The following PHKB variants were observed in gnomAD, a reference collection of about 807,000 sequenced individuals.
PHKB encodes the protein phosphorylase kinase regulatory subunit beta.
Under a neutral mutation model 152.1 loss-of-function variants are expected in PHKB, and 122 were observed. The ratio of observed to expected loss-of-function variants is 0.80; its 90% CI spans 0.69 to 0.93. PHKB has a LOEUF of 0.93. Ranked by LOEUF, PHKB falls within the 40% of genes least tolerant of loss-of-function variation. PHKB has a pLI of 0.00. For missense variants in PHKB, 1,304 were observed against 1,328.4 expected (o/e 0.98, Z 0.29); for synonymous variants, 436 against 464.9 (o/e 0.94, Z 0.80).
At chr16:47,584,828 G>C (rs754516452) in intron 8 of PHKB, among the ~76,000 whole-genome samples, 12 of 152,200 alleles carry the variant, frequency 7.9e-5, no homozygotes, top group Non-Finnish European at 1.8e-4. Context: ...GAGTCTAGAT[G>C]AGGGCAGCAA....
At chr16:47,493,420 T>C (rs1970183063) in intron 1 of PHKB, among the ~76,000 whole-genome samples, 1 of 152,258 alleles carries the variant, frequency 6.6e-6, no homozygotes, top group African/African-American at 2.4e-5. Context: ...ATTTTAGAGC[T>C]AGCTTTTTAA....
chr16:47,686,980 G>C (rs1263595319), intron 26 of PHKB, among the ~76,000 whole-genome samples: 2 of 151,988 alleles, frequency 1.3e-5, no homozygotes, highest in African/African-American at 4.8e-5. Flanking sequence ...GTCTGTTTTT[G>C]AATCATGACA....
At chr16:47,617,296 A>G (rs542132778) in intron 14 of PHKB, among the ~76,000 whole-genome samples, 12 of 149,910 alleles carry the variant, frequency 8.0e-5, no homozygotes, top group African/African-American at 2.4e-4. Flanking sequence ...ATAAAACGAT[A>G]TATATCATTT....
chr16:47,495,757 A>G (rs1200717642), intron 1 of PHKB, among the ~76,000 whole-genome samples: 1 of 152,146 alleles, frequency 6.6e-6, no homozygotes, highest in African/African-American at 2.4e-5. Context: ...AGGCAAGGGC[A>G]TGACTGGAGG....
intron 7 of PHKB, among the ~76,000 whole-genome samples, chr16:47,567,349 G>A (rs1029658838): frequency 6.6e-6 from 1 of 151,690 alleles, no homozygotes; most frequent in South Asian, 2.1e-4. Flanking sequence ...CAGCTTGTTC[G>A]TTATTGATAC....
At chr16:47,461,564 C>T in intron 1 of PHKB, 138 bp downstream of exon 1, 1 of 865,388 alleles carries the variant, frequency 1.2e-6, no homozygotes, top group Non-Finnish European at 1.9e-6. Flanking sequence ...AGGTGGCGGC[C>T]CTGGCCTTGT....
At chr16:47,512,727 T>C (rs1970531137) in intron 5 of PHKB, among the ~76,000 whole-genome samples, 1 of 152,236 alleles carries the variant, frequency 6.6e-6, no homozygotes, top group Non-Finnish European at 1.5e-5. Context: ...GGACAGTCTG[T>C]TGTTTCTGGG....
intron 23 of PHKB, among the ~76,000 whole-genome samples, chr16:47,663,125 C>G (rs1973472039): frequency 6.6e-6 from 1 of 151,886 alleles, no homozygotes; most frequent in African/African-American, 2.4e-5. Context: ...TGTTTTTTAT[C>G]ATTGTTTTCT....
Position 47,532,955 on chromosome 16 carries a change from G to A in PHKB, c.595-14478G>A, listed in dbSNP as rs1021948668. Among the ~76,000 whole-genome samples, 6 of 152,338 alleles carry A rather than the reference G, an allele frequency of 3.9e-5. No homozygotes were observed. In the East Asian group the frequency reaches 1.2e-3, roughly 29 times the overall value. On this transcript the variant is annotated intron_variant, in intron 6 of 30. Coordinates refer to ENST00000323584, the MANE Select transcript of PHKB (RefSeq NM_000293.3). ...CTTTATTGAGCAGTGGAACAACTTA[G>A]AGGAGACCTGCAGTGGGTAGCTTCT...
rs548997701 is a variant in PHKB at position 47,570,056 on chromosome 16, G to T, written c.711-10239G>T. ...GCCTTCATTTCTTAAACTTAGTTTT[G>T]CTCTGTGCAGAATTCTTGTCTGACA... On this transcript the variant is annotated intron_variant, in intron 7 of 30. Coordinates refer to ENST00000323584, the MANE Select transcript of PHKB (RefSeq NM_000293.3). Among the ~76,000 whole-genome samples, 6 of 152,304 alleles carry T rather than the reference G, an allele frequency of 3.9e-5. No homozygotes were observed. The South Asian group carries it at 1.2e-3, about 32-fold the overall frequency.
chr16:47,559,702 C>T (rs1971443661), intron 7 of PHKB, among the ~76,000 whole-genome samples: 1 of 152,158 alleles, frequency 6.6e-6, no homozygotes. Context: ...TAGGTGGGAG[C>T]TGTTTTCCTG....
intron 26 of PHKB, among the ~76,000 whole-genome samples, chr16:47,686,903 T>G (rs1231773211): frequency 6.6e-6 from 1 of 152,230 alleles, no homozygotes; most frequent in African/African-American, 2.4e-5. Flanking sequence ...TTTTTTTAAA[T>G]ATCACCAGAT....
chr16:47,648,483 A>G (rs769370984), intron 16 of PHKB, 50 bp from the exon 17 acceptor site: 6 of 1,219,480 alleles, frequency 4.9e-6, no homozygotes, highest in Non-Finnish European at 7.3e-6. Flanking sequence ...GGGGTGAGAA[A>G]GTGACATGGA....
At chr16:47,540,012 T>C (rs576973675) in intron 6 of PHKB, among the ~76,000 whole-genome samples, 12 of 152,330 alleles carry the variant, frequency 7.9e-5, no homozygotes, top group South Asian at 2.1e-4. Context: ...AAAAAAGCCA[T>C]ATTTTACTTC....
intron 7 of PHKB, among the ~76,000 whole-genome samples, chr16:47,552,943 CTT>C (rs753857200): frequency 1.2e-4 from 18 of 152,156 alleles, no homozygotes; most frequent in Non-Finnish European, 2.6e-4. Flanking sequence ...GTAACCCAAC[CTT>C]TCTCTCTGGC....
chr16:47,504,588 A>G (rs1286379248), intron 4 of PHKB, among the ~76,000 whole-genome samples: 1 of 152,226 alleles, frequency 6.6e-6, no homozygotes, highest in African/African-American at 2.4e-5. Flanking sequence ...TTTCAGGACA[A>G]TCTGCATAAA....
chr16:47,552,937 C>T lies in PHKB; in HGVS notation c.710+5389C>T, dbSNP rs565012071. On this transcript the variant is annotated intron_variant, in intron 7 of 30. Transcript: ENST00000323584. ...CTGATGGGCTTCCCTTTGTGGGTAACCCAACCTTTCTCTCTGGCTGCCCTT... is the reference window on the plus strand; with the variant it reads ...CTGATGGGCTTCCCTTTGTGGGTAATCCAACCTTTCTCTCTGGCTGCCCTT... Among the ~76,000 whole-genome samples the T allele has an allele frequency of 7.2e-5, 11 of 152,222 alleles. 1 individual carries two copies. Among genetic ancestry groups the T allele is most frequent in the South Asian group, 4.1e-4 (2 of 4,820 alleles).
intron 6 of PHKB, among the ~76,000 whole-genome samples, chr16:47,538,412 T>C (rs1295743582): frequency 6.6e-6 from 1 of 152,170 alleles, no homozygotes; most frequent in Non-Finnish European, 1.5e-5. Context: ...AAGTTTACTG[T>C]GGGATGTACT....
intron 7 of PHKB, chr16:47,547,777 G>A (rs1788157020): frequency 2.0e-6 from 1 of 490,976 alleles, no homozygotes; most frequent in African/African-American, 2.0e-5. Flanking sequence ...AACCTCCCAA[G>A]GTGTCAGTAC....
Sources: allele counts gnomAD v4.1 joint callset (sites outside exome capture counted in the v4.1 genomes callset), GRCh38; gene constraint gnomAD v4.1.1; transcripts MANE v1.5; gene names NCBI Gene and HGNC (gene_info 2026-07-23, HGNC 2026-07-21).